ZFAND6: variants seen among roughly 807,000 people sequenced by gnomAD.
ZFAND6 encodes zinc finger AN1-type containing 6, also known as AN1-type zinc finger protein 6.
ZFAND6 carries 12 observed loss-of-function variants against 24.5 expected under a neutral mutation model. That is an observed-to-expected ratio of 0.49 (90% CI 0.31 to 0.79). The LOEUF is 0.79. ZFAND6 is among the 30% of genes least tolerant of loss of function. The pLI is 0.04. For synonymous variants in ZFAND6, 92 were observed against 81.5 expected (o/e 1.13, Z -0.69); for missense variants, 207 against 245.9 (o/e 0.84, Z 1.06).
chr15:80,092,902 C>G (rs1231356977), intron 1 of ZFAND6, among the ~76,000 whole-genome samples: 1 of 151,898 alleles, frequency 6.6e-6, no homozygotes, highest in East Asian at 1.9e-4. Context: ...TCTCAAAATA[C>G]CCAATTTACT....
intron 1 of ZFAND6, among the ~76,000 whole-genome samples, chr15:80,086,675 A>C (rs2038025403): frequency 6.6e-6 from 1 of 152,180 alleles, no homozygotes; most frequent in South Asian, 2.1e-4. Context: ...AATATACATA[A>C]AATTTACCAT....
intron 1 of ZFAND6, among the ~76,000 whole-genome samples, chr15:80,063,672 T>TC (rs2036458538): frequency 1.3e-5 from 2 of 151,576 alleles, no homozygotes; most frequent in South Asian, 4.2e-4. Context: ...CCTCAGCCTC[T>TC]CCCCAGTAGC....
chr15:80,118,497 C>A (rs1341731440), intron 2 of ZFAND6, among the ~76,000 whole-genome samples: 2 of 152,080 alleles, frequency 1.3e-5, no homozygotes, highest in African/African-American at 2.4e-5. Context: ...AGGGGAAAAA[C>A]CCCAAAATAT....
At chr15:80,102,058 AG>A (rs1190855046) in intron 2 of ZFAND6, among the ~76,000 whole-genome samples, 1 of 151,876 alleles carries the variant, frequency 6.6e-6, no homozygotes, top group East Asian at 1.9e-4. Flanking sequence ...GGCCTCCCAA[AG>A]TGCTGGGATT....
chr15:80,064,707 C>G (rs2036520128), intron 1 of ZFAND6, among the ~76,000 whole-genome samples: 1 of 152,090 alleles, frequency 6.6e-6, no homozygotes, highest in African/African-American at 2.4e-5. Context: ...GTGGTGCAGT[C>G]ATGGTTCACT....
intron 2 of ZFAND6, among the ~76,000 whole-genome samples, chr15:80,110,983 A>G (rs953877233): frequency 6.6e-6 from 1 of 152,208 alleles, no homozygotes; most frequent in African/African-American, 2.4e-5. Flanking sequence ...TTCCTGCAAG[A>G]AATAGATGTT....
intron 1 of ZFAND6, among the ~76,000 whole-genome samples, chr15:80,077,693 C>CTTTTT (rs2037364502): frequency 2.9e-5 from 3 of 101,894 alleles, no homozygotes; most frequent in African/African-American, 1.0e-4. Context: ...AGTGAGTTTT[C>CTTTTT]TTTCTTTTTT....
chr15:80,092,368 G>A (rs1201172277), intron 1 of ZFAND6, among the ~76,000 whole-genome samples: 1 of 151,576 alleles, frequency 6.6e-6, no homozygotes, highest in Non-Finnish European at 1.5e-5. Flanking sequence ...GACGGGAGGC[G>A]GAGGTTGCAG....
chr15:80,085,561 T>C (rs554738187), intron 1 of ZFAND6, among the ~76,000 whole-genome samples: 1 of 152,290 alleles, frequency 6.6e-6, no homozygotes, highest in East Asian at 1.9e-4. Flanking sequence ...TTATGGAAAA[T>C]TTGGCAAATG....
At chr15:80,107,822 AGAG>A (rs1389703499) in intron 2 of ZFAND6, among the ~76,000 whole-genome samples, 3 of 136,980 alleles carry the variant, frequency 2.2e-5, no homozygotes, top group Non-Finnish European at 4.7e-5. Context: ...TCTGTCGAAA[AGAG>A]GAGAGGAGAG....
At chr15:80,131,634 T>C (rs778666640) in intron 6 of ZFAND6, 10 of 317,454 alleles carry the variant, frequency 3.2e-5, no homozygotes, top group Non-Finnish European at 5.2e-5. Flanking sequence ...ACTTTCTATA[T>C]ATAAAATAGG....
At chr15:80,063,152 A>G (rs2036424817) in intron 1 of ZFAND6, among the ~76,000 whole-genome samples, 1 of 152,248 alleles carries the variant, frequency 6.6e-6, no homozygotes. Flanking sequence ...GTCCACTAGA[A>G]ATACAACGTT....
intron 2 of ZFAND6, among the ~76,000 whole-genome samples, chr15:80,116,897 T>A (rs922800276): frequency 1.3e-5 from 2 of 152,224 alleles, no homozygotes; most frequent in African/African-American, 2.4e-5. Flanking sequence ...ATAAAACTTT[T>A]TGTCCTGTTA....
chr15:80,126,436 GTC>G (rs1436722655), intron 5 of ZFAND6, among the ~76,000 whole-genome samples: 3 of 152,298 alleles, frequency 2.0e-5, no homozygotes, highest in Admixed American at 2.0e-4. Flanking sequence ...CATGAGGATA[GTC>G]ATGAAGGTAA....
intron 1 of ZFAND6, among the ~76,000 whole-genome samples, chr15:80,073,569 G>T (rs1335662078): frequency 6.6e-6 from 1 of 151,880 alleles, no homozygotes; most frequent in Non-Finnish European, 1.5e-5. Context: ...TCCGGATCAT[G>T]CAAAGGTTTT....
At chr15:80,125,192 T>C (rs1292257611) in intron 5 of ZFAND6, among the ~76,000 whole-genome samples, 1 of 152,130 alleles carries the variant, frequency 6.6e-6, no homozygotes, top group Non-Finnish European at 1.5e-5. Context: ...ATTAGACAGT[T>C]GTGGAGCTTG....
chr15:80,088,329 G>A (rs1486008580), intron 1 of ZFAND6, among the ~76,000 whole-genome samples: 1 of 152,038 alleles, frequency 6.6e-6, no homozygotes, highest in Non-Finnish European at 1.5e-5. Flanking sequence ...AGCACTTTTA[G>A]GGCCAAGGTG....
chr15:80,123,981 A>T (rs1043926662), intron 5 of ZFAND6, among the ~76,000 whole-genome samples: 2 of 152,154 alleles, frequency 1.3e-5, no homozygotes, highest in Non-Finnish European at 1.5e-5. Context: ...GTTTGTGTAG[A>T]TTTTGCCGTA....
Position 80,064,129 on chromosome 15 carries a change from A to G in ZFAND6, c.-181+4320A>G, listed in dbSNP as rs79304642. Among the ~76,000 whole-genome samples, 408 of 152,340 alleles carry G rather than the reference A, an allele frequency of 2.7e-3. 1 individual carries two copies. Among genetic ancestry groups the G allele is most frequent in the Middle Eastern group, 0.01 (3 of 294 alleles). ...TTATTATTTTTTTCTTATTATTATA[A>G]GTAGTGTGATAAATATAAGAGCTAC... On this transcript the variant is annotated intron_variant, in intron 1 of 6. Coordinates refer to ENST00000261749, the MANE Select transcript of ZFAND6 (RefSeq NM_019006.4).
Sources: allele counts gnomAD v4.1 joint callset (sites outside exome capture counted in the v4.1 genomes callset), GRCh38; gene constraint gnomAD v4.1.1; transcripts MANE v1.5; gene names NCBI Gene and HGNC (gene_info 2026-07-23, HGNC 2026-07-21).